FRMPD4: variants seen among roughly 807,000 people sequenced by gnomAD.
The protein encoded by FRMPD4 is FERM and PDZ domain containing 4.
Under a neutral mutation model 94.1 loss-of-function variants are expected in FRMPD4, and 22 were observed. The ratio of observed to expected loss-of-function variants is 0.23; its 90% CI spans 0.17 to 0.33. FRMPD4 has a LOEUF of 0.33. Ranked by LOEUF, FRMPD4 falls within the 10% of genes least tolerant of loss-of-function variation. The pLI, the probability that FRMPD4 is intolerant of heterozygous loss-of-function variation, is 1.00. For missense variants in FRMPD4, 1,111 were observed against 1,339.9 expected, an observed-to-expected ratio of 0.83 and a Z score of 2.67; for synonymous variants, 631 against 548.6, an observed-to-expected ratio of 1.15 and a Z score of -2.10.
At chrX:12,646,008 G>A (rs2059544635) in intron 4 of FRMPD4, among the ~76,000 whole-genome samples, 1 of 111,420 alleles carries the variant, frequency 9.0e-6, no homozygotes, top group Admixed American at 9.6e-5. Flanking sequence ...AAGAGTAAAA[G>A]GCAAAGATAG....
intron 1 of FRMPD4, among the ~76,000 whole-genome samples, chrX:12,315,398 G>A (rs1258326645): frequency 1.8e-5 from 2 of 111,890 alleles, no homozygotes; most frequent in Non-Finnish European, 3.8e-5. Context: ...CTGACCACTT[G>A]TACTGCAGTA....
At chrX:12,191,924 C>A (rs2056497247) in intron 1 of FRMPD4, among the ~76,000 whole-genome samples, 1 of 111,443 alleles carries the variant, frequency 9.0e-6, no homozygotes, top group Admixed American at 9.5e-5. Context: ...AATAAATGTA[C>A]CACTGTGATA....
chrX:11,963,148 C>G (rs1336452350), intron 3 of FRMPD4, among the ~76,000 whole-genome samples: 1 of 112,069 alleles, frequency 8.9e-6, no homozygotes. Flanking sequence ...TCACATGAAT[C>G]AGAGATCTTA....
At chrX:12,017,731 C>T (rs2054611492) in intron 3 of FRMPD4, among the ~76,000 whole-genome samples, 1 of 111,743 alleles carries the variant, frequency 8.9e-6, no homozygotes, top group Non-Finnish European at 1.9e-5. Context: ...TCTTGGGGTC[C>T]TTATTCTCTC....
chrX:11,828,947 A>T (rs1384456397), intron 1 of FRMPD4, among the ~76,000 whole-genome samples: 1 of 112,195 alleles, frequency 8.9e-6, no homozygotes, highest in African/African-American at 3.2e-5. Flanking sequence ...GAGAGCGAGC[A>T]GGCTCAAGCT....
chrX:12,445,269 A>G (rs1037904668), intron 1 of FRMPD4, among the ~76,000 whole-genome samples: 13 of 112,632 alleles, frequency 1.2e-4, no homozygotes, highest in African/African-American at 4.2e-4. Flanking sequence ...ATCAGAAAAT[A>G]TGTTTTAACA....
At chrX:12,144,824 C>A (rs1175907837) in intron 1 of FRMPD4, among the ~76,000 whole-genome samples, 3 of 107,558 alleles carry the variant, frequency 2.8e-5, no homozygotes, top group Non-Finnish European at 5.7e-5. Context: ...AAAAAGTCAT[C>A]AACTTGTATT....
chrX:12,002,682 T>C (rs1569140528), intron 3 of FRMPD4, among the ~76,000 whole-genome samples: 1 of 111,896 alleles, frequency 8.9e-6, no homozygotes, highest in African/African-American at 3.2e-5. Flanking sequence ...AGAAACCCTG[T>C]TGGAAACTAA....
intron 1 of FRMPD4, among the ~76,000 whole-genome samples, chrX:12,141,455 GAATA>G (rs1034020023): frequency 7.1e-5 from 8 of 111,932 alleles, no homozygotes; most frequent in Non-Finnish European, 1.1e-4. Flanking sequence ...TTCGACACTG[GAATA>G]AATAAACTGC....
chrX:12,413,648 A>G (rs2056763129), intron 1 of FRMPD4, among the ~76,000 whole-genome samples: 1 of 111,910 alleles, frequency 8.9e-6, no homozygotes, highest in South Asian at 3.7e-4. Context: ...AGTGGTCTAT[A>G]GATTCAGTTA....
At chrX:11,826,181 A>T (rs1365043474) in intron 1 of FRMPD4, among the ~76,000 whole-genome samples, 1 of 111,775 alleles carries the variant, frequency 8.9e-6, no homozygotes, top group Non-Finnish European at 1.9e-5. Context: ...ATAGTCCAGG[A>T]CTCATCTAAG....
intron 1 of FRMPD4, among the ~76,000 whole-genome samples, chrX:12,330,996 C>A (rs1037934793): frequency 9.0e-6 from 1 of 111,447 alleles, no homozygotes; most frequent in Non-Finnish European, 1.9e-5. Context: ...ACTTTACAAG[C>A]CATACAGTTT....
At chrX:11,848,491 T>A (rs1018875763) in intron 1 of FRMPD4, among the ~76,000 whole-genome samples, 1 of 108,922 alleles carries the variant, frequency 9.2e-6, no homozygotes, top group South Asian at 3.9e-4. Flanking sequence ...AGTCCATTTT[T>A]AAGTCTTCCC....
chrX:12,669,323 G>A (rs1346175161), intron 4 of FRMPD4, among the ~76,000 whole-genome samples: 1 of 111,837 alleles, frequency 8.9e-6, no homozygotes, highest in Admixed American at 9.5e-5. Flanking sequence ...AAGTGAGTTT[G>A]GAAGTGAATC....
At chrX:11,962,114 A>T (rs2054287069) in intron 3 of FRMPD4, among the ~76,000 whole-genome samples, 1 of 112,538 alleles carries the variant, frequency 8.9e-6, no homozygotes. Context: ...GTCCTAGTCC[A>T]TTCCTACTGC....
intron 1 of FRMPD4, among the ~76,000 whole-genome samples, chrX:12,445,237 G>A (rs992752239): frequency 8.9e-6 from 1 of 112,198 alleles, no homozygotes; most frequent in Non-Finnish European, 1.9e-5. Context: ...AAAAACTGTA[G>A]GTCCCTCTAC....
chrX:12,147,043 T>A (rs1371253867), intron 1 of FRMPD4, among the ~76,000 whole-genome samples: 1 of 112,527 alleles, frequency 8.9e-6, no homozygotes, highest in Non-Finnish European at 1.9e-5. Flanking sequence ...CCTATGTAAC[T>A]GTGAGGCAAG....
At chrX:12,047,950 G>A (rs762162948) in intron 3 of FRMPD4, among the ~76,000 whole-genome samples, 8 of 112,897 alleles carry the variant, frequency 7.1e-5, no homozygotes, top group African/African-American at 2.6e-4. Context: ...TAATAGTGCA[G>A]CAATGAACAT....
At position 11,892,963 on chromosome X, in the gene FRMPD4, T is replaced by A. The variant is rs773699615; in HGVS notation, c.95+14945T>A. ...CTTGGGGGTTACATCCTAGGTTTTT[T>A]TATTATTAAGTAACCTTGATTATTT... On this transcript the variant is annotated intron_variant, in intron 3 of 18. Transcript: ENST00000640291. Among the ~76,000 whole-genome samples, 566 of 112,555 alleles carry A rather than the reference T, an allele frequency of 5.0e-3. 4 individuals are homozygous for A. Among genetic ancestry groups the A allele is most frequent in the Admixed American group, 8.6e-3 (92 of 10,690 alleles).
Sources: gnomAD v4.1 joint callset for allele counts (sites outside exome capture counted in the v4.1 genomes callset) on GRCh38, gnomAD v4.1.1 for gene constraint, MANE v1.5 for transcripts, NCBI Gene and HGNC (gene_info 2026-07-23, HGNC 2026-07-21) for gene names.